Variants in TLE1 observed in about 807,000 individuals in gnomAD.
TLE1 encodes TLE family member 1, transcriptional corepressor.
Under a neutral mutation model 89.8 loss-of-function variants are expected in TLE1, and 21 were observed. That is an observed-to-expected ratio of 0.23 (90% confidence interval 0.17 to 0.34). The LOEUF is 0.34. TLE1 is among the 10% of genes least tolerant of loss of function. The pLI, the probability that TLE1 is intolerant of heterozygous loss-of-function variation, is 1.00. For synonymous variants in TLE1, 447 were observed against 407.6 expected, an observed-to-expected ratio of 1.10 and a Z score of -1.16; for missense variants, 795 against 1,031.2, an observed-to-expected ratio of 0.77 and a Z score of 3.14.
intron 6 of TLE1, among the ~76,000 whole-genome samples, chr9:81,651,048 AAG>A (rs1429628603): frequency 6.6e-6 from 1 of 152,148 alleles, no homozygotes; most frequent in Non-Finnish European, 1.5e-5. Context: ...ATGTAATTTT[AAG>A]CCCTGATGGA....
At chr9:81,591,187 G>T in intron 15 of TLE1, 135 bp from the exon 16 acceptor site, 1 of 1,216,134 alleles carries the variant, frequency 8.2e-7, no homozygotes, top group Non-Finnish European at 1.1e-6. Flanking sequence ...GAGTTCTCTA[G>T]TCAAGATTGG....
At chr9:81,646,958 T>C (rs907167527) in intron 6 of TLE1, among the ~76,000 whole-genome samples, 1 of 152,126 alleles carries the variant, frequency 6.6e-6, no homozygotes, top group African/African-American at 2.4e-5. Context: ...CAAGGTTATG[T>C]TCATGAAAAA....
At chr9:81,668,526 A>C (rs1018103503) in intron 4 of TLE1, among the ~76,000 whole-genome samples, 4 of 152,144 alleles carry the variant, frequency 2.6e-5, no homozygotes, top group African/African-American at 7.2e-5. Context: ...ACCAAAAAAA[A>C]CCCCAATCAC....
chr9:81,637,634 A>G (rs1250503688), intron 6 of TLE1, among the ~76,000 whole-genome samples: 1 of 138,944 alleles, frequency 7.2e-6, no homozygotes, highest in Non-Finnish European at 1.5e-5. Context: ...CTTGGCTACA[A>G]TGAAAGTTTC....
intron 4 of TLE1, among the ~76,000 whole-genome samples, chr9:81,662,847 T>G (rs1057123104): frequency 9.2e-5 from 14 of 151,964 alleles, no homozygotes; most frequent in African/African-American, 3.1e-4. Flanking sequence ...TGTTTAAATG[T>G]TTTTGTTGTT....
intron 4 of TLE1, among the ~76,000 whole-genome samples, chr9:81,672,103 C>T (rs1002286902): frequency 6.6e-6 from 1 of 152,136 alleles, no homozygotes; most frequent in Admixed American, 6.6e-5. Context: ...GCCATGAACG[C>T]GGAGCTTCTC....
chr9:81,605,022 C>CT (rs1831444988), intron 14 of TLE1, among the ~76,000 whole-genome samples: 1 of 152,186 alleles, frequency 6.6e-6, no homozygotes, highest in Non-Finnish European at 1.5e-5. Flanking sequence ...GCAGAGAAGG[C>CT]TGAGAGCACC....
chr9:81,628,620 A>T (rs1344949632), intron 8 of TLE1, among the ~76,000 whole-genome samples: 3 of 151,550 alleles, frequency 2.0e-5, no homozygotes, highest in Non-Finnish European at 4.4e-5. Flanking sequence ...GTAACAAAAG[A>T]AAGAAACCAC....
intron 11 of TLE1, among the ~76,000 whole-genome samples, chr9:81,614,383 G>A (rs1183057156): frequency 6.6e-6 from 1 of 152,156 alleles, no homozygotes; most frequent in Admixed American, 6.5e-5. Flanking sequence ...CATAACCAAA[G>A]TGGACCCACC....
rs1466677702 is a variant in TLE1, at chr9:81,654,989, C to CA, written c.235-954dup. On this transcript the variant is annotated intron_variant, in intron 4 of 19. Transcript: ENST00000376499. ...TTTCGCCACAGTTCAGTAACAAACTCAAAGACCTCACCGACAGGGCCCAGG... is the reference window on the plus strand; with the variant it reads ...TTTCGCCACAGTTCAGTAACAAACTCAAAAGACCTCACCGACAGGGCCCAGG... 2.6e-5 allele frequency among the ~76,000 whole-genome samples: 4 copies of CA among 152,270 alleles called. No individual in the cohort carries two copies. The South Asian group carries it at 8.3e-4, about 32-fold the overall frequency.
intron 7 of TLE1, 79 bp from the exon 8 acceptor site, chr9:81,633,443 G>T: frequency 1.2e-6 from 2 of 1,605,714 alleles, no homozygotes; most frequent in Non-Finnish European, 8.5e-7. Flanking sequence ...AAAAAAGGGG[G>T]GAATAATTAG....
At chr9:81,625,758 C>T (rs1366333911) in intron 8 of TLE1, among the ~76,000 whole-genome samples, 1 of 152,016 alleles carries the variant, frequency 6.6e-6, no homozygotes, top group African/African-American at 2.4e-5. Flanking sequence ...AACACCTATT[C>T]AAGACCAAGG....
intron 14 of TLE1, among the ~76,000 whole-genome samples, chr9:81,607,842 C>T (rs980878992): frequency 3.9e-5 from 6 of 152,174 alleles, no homozygotes; most frequent in African/African-American, 1.2e-4. Flanking sequence ...GCAATACTAC[C>T]CCTGACTCCC....
intron 5 of TLE1, among the ~76,000 whole-genome samples, chr9:81,653,471 C>A (rs376219292): frequency 2.6e-5 from 4 of 152,184 alleles, no homozygotes; most frequent in African/African-American, 9.6e-5. Context: ...TGTAACTAAA[C>A]AAAATAGCTT....
chr9:81,688,300 A>G lies in TLE1; in HGVS notation c.-60T>C, dbSNP rs1834638159. On this transcript the variant is annotated 5_prime_UTR_variant, in exon 1 of 20. Coordinates refer to ENST00000376499, the MANE Select transcript of TLE1 (RefSeq NM_005077.5). ...AACTCAATTCTCCGGTCAATTTCCA[A>G]CTTTAATCCCGCCGAGGAAAATTAA... 6.8e-7 allele frequency: 1 copy of G among 1,480,120 alleles called. No homozygotes were observed. Among genetic ancestry groups the G allele is most frequent in the Non-Finnish European group, 9.0e-7 (1 of 1,115,612 alleles). The allele number at this position is 1,480,120 out of a possible 1,614,324, so 91.7% of individuals were successfully genotyped here.
intron 16 of TLE1, among the ~76,000 whole-genome samples, chr9:81,588,528 C>T (rs570887083): frequency 6.6e-6 from 1 of 152,330 alleles, no homozygotes; most frequent in South Asian, 2.1e-4. Flanking sequence ...CTCAGCAAGA[C>T]TCTGCCTCCA....
intron 7 of TLE1, chr9:81,633,587 A>G (rs928290613): frequency 1.6e-6 from 1 of 609,036 alleles, no homozygotes; most frequent in South Asian, 2.9e-5. Context: ...CACAAAGCCT[A>G]TTTTTTTATT....
chr9:81,627,309 GTTCTCTCACTTTTTT>G (rs1407047760), intron 8 of TLE1, among the ~76,000 whole-genome samples: 1 of 140,498 alleles, frequency 7.1e-6, no homozygotes, highest in Non-Finnish European at 1.5e-5. Flanking sequence ...GGGAAAAATT[GTTCTCTCACTTTTTT>G]TTTTTTAAGA....
intron 4 of TLE1, among the ~76,000 whole-genome samples, chr9:81,668,731 G>A (rs1831828244): frequency 6.6e-6 from 1 of 152,088 alleles, no homozygotes; most frequent in Non-Finnish European, 1.5e-5. Context: ...ATCCCTTTAT[G>A]CTCAGTCATG....
Sources: gnomAD v4.1 joint callset for allele counts (sites outside exome capture counted in the v4.1 genomes callset) on GRCh38, gnomAD v4.1.1 for gene constraint, MANE v1.5 for transcripts, NCBI Gene and HGNC (gene_info 2026-07-23, HGNC 2026-07-21) for gene names.